Variants in ATXN10 observed in about 807,000 individuals in gnomAD.
ATXN10 encodes the protein ataxin 10, also known as ataxin-10.
ATXN10 carries 28 observed loss-of-function variants against 52.9 expected under a neutral mutation model. That is an observed-to-expected ratio of 0.53 (90% CI 0.39 to 0.73). The LOEUF (loss-of-function observed/expected upper bound fraction) is 0.73. Ranked by LOEUF, ATXN10 falls within the 30% of genes least tolerant of loss-of-function variation. The pLI is 0.00. For synonymous variants in ATXN10, 226 were observed against 221.5 expected (o/e 1.02, Z -0.18); for missense variants, 565 against 577.0 (o/e 0.98, Z 0.21).
chr22:45,741,837 C>T (rs1369528359), intron 9 of ATXN10, among the ~76,000 whole-genome samples: 4 of 152,102 alleles, frequency 2.6e-5, no homozygotes, highest in Non-Finnish European at 5.9e-5. Context: ...CGGGCAGATT[C>T]TGGAGTGAAA....
At position 45,843,563 on chromosome 22, in the gene ATXN10, T is replaced by G; in HGVS notation, c.1426-106T>G. On this transcript the variant is annotated intron_variant, in intron 11 of 11. Transcript: ENST00000252934. The surrounding 1 kb of genome is among the most constrained non-coding windows in gnomAD (Gnocchi z 4.5). The stretch of plus-strand genomic sequence containing the variant: ...TGAATTGTTTTAGGTTTCTCTAAGT[T>G]ATTTGTCACCACTGACCAAAGTTCT... 1 of 1,021,808 alleles carries G rather than the reference T, an allele frequency of 9.8e-7. No individual in the cohort carries two copies. Among genetic ancestry groups the G allele is most frequent in the Non-Finnish European group, 1.5e-6 (1 of 656,134 alleles). The allele number at this position is 1,021,808 out of a possible 1,614,324, so 63.3% of individuals were successfully genotyped here.
At chr22:45,736,292 C>G (rs1925293199) in intron 7 of ATXN10, among the ~76,000 whole-genome samples, 1 of 152,146 alleles carries the variant, frequency 6.6e-6, no homozygotes, top group African/African-American at 2.4e-5. Flanking sequence ...TGGACTGAAT[C>G]AAAGCTCCAA....
intron 1 of ATXN10, chr22:45,679,135 A>C (rs1475659697): frequency 6.6e-6 from 1 of 152,176 alleles, no homozygotes. Context: ...TCTTTCAAAG[A>C]ACTTCACATA....
In ATXN10 at chr22:45,740,427, T is replaced by C. The variant is rs745692531; in HGVS notation, c.1062T>C (p.Cys354=). 1 of 1,613,950 alleles carries C rather than the reference T, an allele frequency of 6.2e-7. No homozygotes were observed. The highest frequency in any genetic ancestry group is 2.2e-5 in the East Asian group (1 of 44,856). Residue 354 remains cysteine, a synonymous_variant, in exon 9 of 12, where the codon TGT becomes TGC. Transcript: ENST00000252934. ...GKETTNIFSN[C]GCVRAEGDIS... is the part of the protein sequence containing the mutation. ...AAACCACAAACATCTTCAGTAATTGTGGTTGCGTGAGAGCAGAAGGTGACA... is the reference window on the plus strand; with the variant it reads ...AAACCACAAACATCTTCAGTAATTGCGGTTGCGTGAGAGCAGAAGGTGACA...
At chr22:45,711,844 A>G (rs1924262174) in intron 5 of ATXN10, among the ~76,000 whole-genome samples, 2 of 152,196 alleles carry the variant, frequency 1.3e-5, no homozygotes, top group Non-Finnish European at 2.9e-5. Flanking sequence ...ATGCGGGAAC[A>G]TGGAGCCTCT....
Position 45,842,622 on chromosome 22 carries a change from A to ATG in ATXN10, c.1238-358_1238-357dup, listed in dbSNP as rs1343579139. On this transcript the variant is annotated intron_variant, in intron 10 of 11. Transcript: ENST00000252934. The surrounding 1 kb of genome is among the most constrained non-coding windows in gnomAD (Gnocchi z 4.8). ...AGTAACATAATTATTCAACAAAGGA[A>ATG]TGTGTGTGTGTGCACGCACACACGT... is the stretch of plus-strand genomic sequence containing the variant. Among the ~76,000 whole-genome samples, 1 of 151,992 alleles carries ATG rather than the reference A, an allele frequency of 6.6e-6. No individual in the cohort carries two copies. Among genetic ancestry groups the ATG allele is most frequent in the Non-Finnish European group, 1.5e-5 (1 of 67,992 alleles).
chr22:45,726,622 C>G (rs1432243584), intron 6 of ATXN10, among the ~76,000 whole-genome samples: 1 of 152,016 alleles, frequency 6.6e-6, no homozygotes, highest in Non-Finnish European at 1.5e-5. Context: ...ATATTTTGAT[C>G]TTTTGTTTCG....
At chr22:45,680,657 T>C (rs183258813) in intron 1 of ATXN10, among the ~76,000 whole-genome samples, 1 of 151,858 alleles carries the variant, frequency 6.6e-6, no homozygotes, top group African/African-American at 2.4e-5. Context: ...AGAGATTAGC[T>C]CTCACTATGT....
chr22:45,747,176 G>A (rs952982641), intron 9 of ATXN10, among the ~76,000 whole-genome samples: 4 of 152,096 alleles, frequency 2.6e-5, no homozygotes, highest in Admixed American at 6.6e-5. Flanking sequence ...AACTCTGCCT[G>A]TCTAATTGGG....
chr22:45,704,610 T>C (rs565721694), intron 5 of ATXN10, among the ~76,000 whole-genome samples: 111 of 152,350 alleles, frequency 7.3e-4, no homozygotes, highest in African/African-American at 2.6e-3. Context: ...CTGATTTTTG[T>C]ATATTAATCT....
intron 9 of ATXN10, among the ~76,000 whole-genome samples, chr22:45,747,215 TG>T (rs1436093326): frequency 2.0e-5 from 3 of 152,080 alleles, no homozygotes; most frequent in Non-Finnish European, 4.4e-5. Context: ...TGAAAATGTC[TG>T]GGGGGCCGGG....
intron 10 of ATXN10, chr22:45,811,925 G>T: frequency 2.6e-6 from 1 of 383,020 alleles, no homozygotes; most frequent in Middle Eastern, 4.1e-4. Flanking sequence ...CTCCTAGACG[G>T]CCCATCATCC....
rs1356685010 is a variant in ATXN10 at position 45,766,285 on chromosome 22, C to A, written c.1173+25747C>A. 6.6e-6 allele frequency among the ~76,000 whole-genome samples: 1 copy of A among 152,134 alleles called. No homozygotes were observed. The highest frequency in any genetic ancestry group is 1.5e-5 in the Non-Finnish European group (1 of 68,018). ...CTGCCTCTAGTCAGGTCAGAGGTGG[C>A]ATTAGAGTCTCACAGGAGCGTGAAT... On this transcript the variant is annotated intron_variant, in intron 9 of 11. Coordinates refer to ENST00000252934, the MANE Select transcript of ATXN10 (RefSeq NM_013236.4). The surrounding 1 kb of genome is among the most constrained non-coding windows in gnomAD (Gnocchi z 4.6).
chr22:45,740,387 A>G lies in ATXN10; in HGVS notation c.1022A>G (p.His341Arg). ...ERVIDLLRVI[H>R]VAGKETTNIF... ...GTTATAGATCTTTTGCGGGTGATTCATGTAGCTGGAAAAGAAACCACAAAC... is the reference window on the plus strand; with the variant it reads ...GTTATAGATCTTTTGCGGGTGATTCGTGTAGCTGGAAAAGAAACCACAAAC... The change falls in exon 9 of 12, where the codon CAT becomes CGT. Residue 341 changes from histidine to arginine, a missense_variant. Coordinates refer to ENST00000252934, the MANE Select transcript of ATXN10 (RefSeq NM_013236.4). The G allele has an allele frequency of 6.2e-7, 1 of 1,613,896 alleles. No homozygotes were observed. Among genetic ancestry groups the G allele is most frequent in the South Asian group, 1.1e-5 (1 of 91,086 alleles).
intron 9 of ATXN10, among the ~76,000 whole-genome samples, chr22:45,804,961 A>C (rs1344860513): frequency 6.6e-6 from 1 of 152,186 alleles, no homozygotes; most frequent in African/African-American, 2.4e-5. Flanking sequence ...ATCTGGCTAC[A>C]TCTCCTGGCG....
rs1161166373 is a variant in ATXN10, at chr22:45,837,246, T to C, written c.1238-5745T>C. Among the ~76,000 whole-genome samples, 1 of 152,160 alleles carries C rather than the reference T, an allele frequency of 6.6e-6. No homozygotes were observed. The highest frequency in any genetic ancestry group is 2.4e-5 in the African/African-American group (1 of 41,436). ...GCATATTTTTTCAGTGCCAGTACTT[T>C]TTAAGGTTGGTTTGTTTATTTACTT... On this transcript the variant is annotated intron_variant, in intron 10 of 11. Transcript: ENST00000252934. This position sits in a 1 kb window ranked among gnomAD's most constrained non-coding sequence, Gnocchi z 5.8.
chr22:45,840,359 CA>C lies in ATXN10; in HGVS notation c.1238-2631del, dbSNP rs1458724172. Among the ~76,000 whole-genome samples the C allele has an allele frequency of 1.3e-5, 2 of 152,134 alleles. No homozygotes were observed. The highest frequency in any genetic ancestry group is 4.8e-5 in the African/African-American group (2 of 41,438). ...AAAGAGAGAGAGAATGCATTGGAAA[CA>C]GACAGCAGGTGCACCTAATCTAAGC... is the stretch of plus-strand genomic sequence containing the variant. On this transcript the variant is annotated intron_variant, in intron 10 of 11. Transcript: ENST00000252934. This position sits in a 1 kb window ranked among gnomAD's most constrained non-coding sequence, Gnocchi z 5.8.
At chr22:45,707,811 T>G (rs1162347139) in intron 5 of ATXN10, among the ~76,000 whole-genome samples, 2 of 152,060 alleles carry the variant, frequency 1.3e-5, no homozygotes, top group East Asian at 3.8e-4. Flanking sequence ...AACTCTACAT[T>G]TGGTAACAAA....
chr22:45,823,813 A>G lies in ATXN10; in HGVS notation c.1237+16791A>G, dbSNP rs1601669626. ...CAGGGATACAATGGTTGATCAAAAAAGAGACACTGTGTGCTCCCATGAAGG... is the reference window on the plus strand; with the variant it reads ...CAGGGATACAATGGTTGATCAAAAAGGAGACACTGTGTGCTCCCATGAAGG... On this transcript the variant is annotated intron_variant, in intron 10 of 11. Coordinates refer to ENST00000252934, the MANE Select transcript of ATXN10 (RefSeq NM_013236.4). The surrounding 1 kb of genome is among the most constrained non-coding windows in gnomAD (Gnocchi z 4.9). Among the ~76,000 whole-genome samples the G allele has an allele frequency of 6.6e-6, 1 of 152,330 alleles. No homozygotes were observed. The highest frequency in any genetic ancestry group is 1.9e-4 in the East Asian group (1 of 5,180).
Sources: gnomAD v4.1 joint callset for allele counts (sites outside exome capture counted in the v4.1 genomes callset) on GRCh38, gnomAD v4.1.1 for gene constraint, Gnocchi (gnomAD v3.1) non-coding constraint, MANE v1.5 for transcripts, NCBI Gene and HGNC (gene_info 2026-07-23, HGNC 2026-07-21) for gene names.